The following SZT2 variants were observed in gnomAD, a reference collection of about 807,000 sequenced individuals.
The protein encoded by SZT2 is KICSTOR complex protein SZT2.
SZT2 carries 216 observed loss-of-function variants against 404.2 expected under a neutral mutation model. The observed-to-expected ratio is 0.53, with a 90% CI of 0.48 to 0.60. The LOEUF (loss-of-function observed/expected upper bound fraction) is 0.60. SZT2 is among the 20% of genes least tolerant of loss of function. The probability of loss-of-function intolerance (pLI) is 0.00; values close to 1 mark genes in which losing one functional copy is unlikely to be tolerated. For synonymous variants in SZT2, 1,693 were observed against 1,749.9 expected (o/e 0.97, Z 0.81); for missense variants, 3,857 against 4,459.2 (o/e 0.86, Z 3.85).
intron 4 of SZT2, among the ~76,000 whole-genome samples, chr1:43,414,709 T>A (rs950761010): frequency 3.3e-5 from 5 of 152,122 alleles, no homozygotes. Context: ...TTAAAAAGTA[T>A]GAGAATAAAA....
Position 43,427,288 on chromosome 1 carries a change from G to C in SZT2, c.3441G>C (p.Gln1147His). The C allele has an allele frequency of 6.2e-7, 1 of 1,609,412 alleles. No individual in the cohort carries two copies. The highest frequency in any genetic ancestry group is 8.5e-7 in the Non-Finnish European group (1 of 1,177,600). Residue 1147 changes from glutamine (Q) to histidine (H), a missense_variant, in exon 25 of 72, where the codon CAG becomes CAC. Coordinates refer to ENST00000634258, the MANE Select transcript of SZT2 (RefSeq NM_001365999.1). The part of the protein sequence containing the change: ...TFLPATFSDV[Q>H]RLAACGLEGP... ...ATGTCTGATCCTCTTCAGATGTCCA[G>C]CGTCTGGCTGCCTGTGGCCTGGAGG...
At chr1:43,409,999 G>T (rs559424514) in intron 4 of SZT2, 7 of 152,312 alleles carry the variant, frequency 4.6e-5, no homozygotes, top group African/African-American at 1.7e-4. Flanking sequence ...CACATTACCT[G>T]ACTTCAGATT....
At chr1:43,410,554 C>CAAAAAAAAAAAAAAAA (rs34705523) in intron 4 of SZT2, 1 of 41,040 alleles carries the variant, frequency 2.4e-5, no homozygotes, top group East Asian at 8.3e-4. Context: ...GACTCTGTCT[C>CAAAAAAAAAAAAAAAA]AAAAAAAAAA....
intron 1 of SZT2, among the ~76,000 whole-genome samples, chr1:43,395,191 C>T (rs1193942477): frequency 6.6e-6 from 1 of 152,168 alleles, no homozygotes. Flanking sequence ...CTCGTTTACC[C>T]CCATTCTCTC....
rs1656767080 is a variant in SZT2 at position 43,454,019 on chromosome 1, G to A, written c.*3539G>A. 1 of 1,168,780 alleles carries A rather than the reference G, an allele frequency of 8.6e-7. No homozygotes were observed. Among genetic ancestry groups the A allele is most frequent in the South Asian group, 4.3e-5 (1 of 23,148 alleles). 72.4% of individuals were successfully genotyped at this position (1,168,780 alleles called of 1,614,324 possible). On this transcript the variant is annotated 3_prime_UTR_variant, in exon 72 of 72. Transcript: ENST00000634258. ...AGAGGCGAAGGGGCGGAGCGAGGGC[G>A]GCCGGAAAAGGAGCAGGACCCGCGC...
In SZT2 at chr1:43,448,510, A is replaced by G. The variant is rs1655970125; in HGVS notation, c.9969+26A>G. 1 of 1,609,176 alleles carries G rather than the reference A, an allele frequency of 6.2e-7. No homozygotes were observed. Among genetic ancestry groups the G allele is most frequent in the Non-Finnish European group, 8.5e-7 (1 of 1,177,274 alleles). On this transcript the variant is annotated intron_variant, in intron 69 of 71. Coordinates refer to ENST00000634258, the MANE Select transcript of SZT2 (RefSeq NM_001365999.1). This position sits in a 1 kb window ranked among gnomAD's most constrained non-coding sequence, Gnocchi z 4.2. ...GTAAGGAACTGTGGGCTCCCGAAAG[A>G]GCTGGGATAGGTGCCAGGAATTCCA...
At position 43,422,157 on chromosome 1, in the gene SZT2, C is replaced by T. The variant is rs1253818749; in HGVS notation, c.1701C>T (p.Ser567=). Residue 567 remains serine, a synonymous_variant, in exon 12 of 72, where the codon TCC becomes TCT. Transcript: ENST00000634258. The part of the protein sequence containing the change: ...QFAAYWKPVL[S]MDANSWQRWL... ...CTGCCTACTGGAAGCCAGTGCTGTC[C>T]ATGGATGCAAATTCCTGGCAGCGAT... 5.6e-6 allele frequency: 9 copies of T among 1,597,328 alleles called. No individual in the cohort carries two copies. The highest frequency in any genetic ancestry group is 6.8e-6 in the Non-Finnish European group (8 of 1,179,074).
chr1:43,420,688 C>T lies in SZT2; in HGVS notation c.1262-61C>T, dbSNP rs763030480. On this transcript the variant is annotated intron_variant, in intron 9 of 71. Transcript: ENST00000634258. This position sits in a 1 kb window ranked among gnomAD's most constrained non-coding sequence, Gnocchi z 5.1. ...AGGTAGGTGGGGGTTTCAGATAGAA[C>T]TCGATCCCAGGCCTAGAGTCCTATG... is the stretch of plus-strand genomic sequence containing the variant. 854 of 1,506,016 alleles carry T rather than the reference C, an allele frequency of 5.7e-4. 2 individuals are homozygous for T. Among genetic ancestry groups the T allele is most frequent in the Non-Finnish European group, 7.1e-4 (780 of 1,105,330 alleles). 93.3% of individuals were successfully genotyped at this position (1,506,016 alleles called of 1,614,324 possible). A position where few individuals can be genotyped will look rare whatever the true frequency, so the allele number is the denominator to read the frequency against.
Position 43,439,921 on chromosome 1 carries a change from A to G in SZT2, c.7083A>G (p.Glu2361=). 1 of 1,611,590 alleles carries G rather than the reference A, an allele frequency of 6.2e-7. No homozygotes were observed. The change falls in exon 51 of 72, where the codon GAA becomes GAG. Residue 2361 remains glutamate (E), a synonymous_variant. Transcript: ENST00000634258. This position sits in a 1 kb window ranked among gnomAD's most constrained non-coding sequence, Gnocchi z 4.2. ...GAPRLRLDVW[E]KGNISIVQLE... Reference sequence around the variant, plus strand: ...CACGGCTTCGATTGGATGTGTGGGAAAAGGGGAACATTAGTATTGTGCAGC... The same window carrying G: ...CACGGCTTCGATTGGATGTGTGGGAGAAGGGGAACATTAGTATTGTGCAGC...
At chr1:43,447,227 G>C (rs558489590) in intron 66 of SZT2, 59 bp downstream of exon 66, 5 of 1,532,472 alleles carry the variant, frequency 3.3e-6, no homozygotes, top group Non-Finnish European at 4.4e-6. Flanking sequence ...GGTGCCTCCA[G>C]GTCAGGGCTG....
At chr1:43,435,429 G>C in intron 42 of SZT2, 100 bp downstream of exon 42, 1 of 1,363,868 alleles carries the variant, frequency 7.3e-7, no homozygotes, top group African/African-American at 1.4e-5. Flanking sequence ...CTCATTACTT[G>C]GTCATCAGTG....
In SZT2 at chr1:43,445,846, C is replaced by T. The variant is rs746478398; in HGVS notation, c.8826-48C>T. The T allele has an allele frequency of 4.5e-6, 7 of 1,560,516 alleles. No homozygotes were observed. In the African/African-American group the frequency reaches 9.5e-5, roughly 21 times the overall value. On this transcript the variant is annotated intron_variant, in intron 62 of 71. Transcript: ENST00000634258. ...ATTCTGGGTCTGATCACCATGACTG[C>T]ATGCCACTAGCCTGCCTCATCCTCT...
At position 43,441,727 on chromosome 1, in the gene SZT2, C is replaced by T. The variant is rs749179825; in HGVS notation, c.7651C>T (p.Arg2551Trp). 6.9e-5 allele frequency: 112 copies of T among 1,614,178 alleles called. No homozygotes were observed. The highest frequency in any genetic ancestry group is 1.0e-4 in the Admixed American group (6 of 60,026). The change falls in exon 55 of 72, where the codon CGG becomes TGG. Residue 2551 changes from arginine (R) to tryptophan (W), a missense_variant. Around this residue, in one of 7 missense-constraint regions of SZT2, gnomAD observed 573 missense variants for 592.4 expected, o/e 0.97. Coordinates refer to ENST00000634258, the MANE Select transcript of SZT2 (RefSeq NM_001365999.1). This position sits in a 1 kb window ranked among gnomAD's most constrained non-coding sequence, Gnocchi z 4.8. ...VSRSSAHMVS[R>W]FLLPSILSEF... Reference sequence around the variant, plus strand: ...CAGAAGCTCTGCCCACATGGTGTCCCGGTTCCTCCTTCCATCCATCCTGTC... The same window carrying T: ...CAGAAGCTCTGCCCACATGGTGTCCTGGTTCCTCCTTCCATCCATCCTGTC...
chr1:43,403,338 G>T, intron 2 of SZT2, 36 bp downstream of exon 2: 1 of 1,593,736 alleles, frequency 6.3e-7, no homozygotes, highest in South Asian at 1.1e-5. Flanking sequence ...TGAGGGGCCA[G>T]CCCAGAAGGA....
At chr1:43,444,340 G>A (rs1183831842) in intron 62 of SZT2, among the ~76,000 whole-genome samples, 2 of 151,926 alleles carry the variant, frequency 1.3e-5, no homozygotes, top group African/African-American at 2.4e-5. Flanking sequence ...CAGGTAGTCC[G>A]CCCACCTCAG....
rs775977463 is a variant in SZT2, at chr1:43,448,262, A to G, written c.9747A>G (p.Pro3249=). ...ILAPGPAPLF[P]PLAAEVGMAR... Reference sequence around the variant, plus strand: ...CGCCTGGACCGGCTCCTCTGTTCCCACCACTGGCTGCAGAGGTGGGCATGG... The same window carrying G: ...CGCCTGGACCGGCTCCTCTGTTCCCGCCACTGGCTGCAGAGGTGGGCATGG... The change falls in exon 69 of 72, where the codon CCA becomes CCG. Residue 3249 remains proline, a synonymous_variant. Transcript: ENST00000634258. The surrounding 1 kb of genome is among the most constrained non-coding windows in gnomAD (Gnocchi z 4.2). 2.5e-6 allele frequency: 4 copies of G among 1,575,320 alleles called. No individual in the cohort carries two copies. In the South Asian group the frequency reaches 4.6e-5, roughly 18 times the overall value.
intron 32 of SZT2, 68 bp from the exon 33 acceptor site, chr1:43,430,881 C>T: frequency 1.3e-6 from 2 of 1,585,120 alleles, no homozygotes; most frequent in South Asian, 1.2e-5. Context: ...TGTCTTTTAA[C>T]ACATAGATCT....
At chr1:43,399,466 A>ATTT (rs58653132) in intron 1 of SZT2, among the ~76,000 whole-genome samples, 43 of 121,990 alleles carry the variant, frequency 3.5e-4, no homozygotes, top group African/African-American at 1.2e-3. Context: ...GCCAGAGGGA[A>ATTT]TTTTTTTTTT....
Position 43,443,804 on chromosome 1 carries a change from C to G in SZT2, c.8825+8C>G, listed in dbSNP as rs750475998. The G allele has an allele frequency of 6.2e-7, 1 of 1,612,906 alleles. No homozygotes were observed. Among genetic ancestry groups the G allele is most frequent in the Non-Finnish European group, 8.5e-7 (1 of 1,179,956 alleles). On this transcript the variant is annotated splice_region_variant and intron_variant, in intron 62 of 71. Transcript: ENST00000634258. ...CCCCTCACCCGCCCGCAGGTGAGCC[C>G]GTCCCTGTTTTCCCTTCTGTCTTCT...
Sources: gnomAD v4.1 joint callset for allele counts (sites outside exome capture counted in the v4.1 genomes callset) on GRCh38, gnomAD v4.1.1 for gene constraint, gnomAD v4.1.1 regional missense constraint, Gnocchi (gnomAD v3.1) non-coding constraint, MANE v1.5 for transcripts, NCBI Gene and HGNC (gene_info 2026-07-23, HGNC 2026-07-21) for gene names.